AFAP1L2: variants seen among roughly 807,000 people sequenced by gnomAD.
AFAP1L2 encodes actin filament-associated protein 1-like 2.
AFAP1L2 carries 46 observed loss-of-function variants against 99.3 expected under a neutral mutation model. The observed-to-expected ratio is 0.46, with a 90% CI of 0.37 to 0.59. The LOEUF (loss-of-function observed/expected upper bound fraction) is 0.59. AFAP1L2 is among the 20% of genes least tolerant of loss of function. AFAP1L2 has a pLI of 0.00. For synonymous variants in AFAP1L2, 397 were observed against 419.1 expected, an observed-to-expected ratio of 0.95 and a Z score of 0.64; for missense variants, 959 against 1,034.9, an observed-to-expected ratio of 0.93 and a Z score of 1.01.
chr10:114,372,242 C>T (rs561491380), intron 1 of AFAP1L2, among the ~76,000 whole-genome samples: 24 of 152,282 alleles, frequency 1.6e-4, no homozygotes, highest in African/African-American at 5.3e-4. Flanking sequence ...CTGGGGATGC[C>T]CTGGGAGCCC....
chr10:114,400,419 A>G (rs775993101), intron 1 of AFAP1L2, among the ~76,000 whole-genome samples: 9 of 152,106 alleles, frequency 5.9e-5, no homozygotes, highest in Middle Eastern at 3.2e-3. Flanking sequence ...CGCAACTTCA[A>G]AGTCAGGGAG....
chr10:114,318,016 G>T (rs2044420930), intron 5 of AFAP1L2, among the ~76,000 whole-genome samples: 1 of 152,194 alleles, frequency 6.6e-6, no homozygotes, highest in Non-Finnish European at 1.5e-5. Context: ...CTGAAAACTA[G>T]TGTGCAGCTG....
At chr10:114,304,677 C>T in intron 11 of AFAP1L2, 42 bp downstream of exon 11, 1 of 1,525,164 alleles carries the variant, frequency 6.6e-7, no homozygotes, top group South Asian at 1.2e-5. Flanking sequence ...CCACCACCGC[C>T]ACACCCTGGC....
intron 5 of AFAP1L2, 148 bp downstream of exon 5, chr10:114,323,023 G>A (rs2045622392): frequency 2.8e-6 from 2 of 703,700 alleles, no homozygotes; most frequent in Non-Finnish European, 4.7e-6. Flanking sequence ...TTCTCAATTT[G>A]GACCATGCTT....
downstream of AFAP1L2, among the ~76,000 whole-genome samples, chr10:114,293,496 C>T (rs1336660211): frequency 1.3e-5 from 2 of 152,132 alleles, no homozygotes; most frequent in African/African-American, 4.8e-5. Context: ...ATTTTTTCCC[C>T]TTTTGTAGTG....
chr10:114,295,708 T>A lies in AFAP1L2; in HGVS notation c.*334A>T, dbSNP rs541323088. 462 of 1,062,230 alleles carry A rather than the reference T, an allele frequency of 4.3e-4. No homozygotes were observed. Among genetic ancestry groups the A allele is most frequent in the Non-Finnish European group, 4.9e-4 (427 of 878,782 alleles). 65.8% of individuals were successfully genotyped at this position (1,062,230 alleles called of 1,614,324 possible). A position where few individuals can be genotyped will look rare whatever the true frequency, so the allele number is the denominator to read the frequency against. On this transcript the variant is annotated 3_prime_UTR_variant, in exon 19 of 19. Transcript: ENST00000304129. ...TTCCTTGATTCATCTTCCACCAAAG[T>A]CTAAACAGGAGGTTTTCACTATTTA...
At chr10:114,349,239 A>C (rs2050064673) in intron 1 of AFAP1L2, among the ~76,000 whole-genome samples, 1 of 152,004 alleles carries the variant, frequency 6.6e-6, no homozygotes. Context: ...TAAGCTGGGC[A>C]TGATGACACA....
intron 13 of AFAP1L2, 23 bp downstream of exon 13, chr10:114,301,331 C>T (rs957378313): frequency 1.3e-5 from 21 of 1,591,790 alleles, no homozygotes; most frequent in Admixed American, 3.3e-5. Flanking sequence ...GAGGCCCAGG[C>T]CACTGCCTGG....
intron 16 of AFAP1L2, among the ~76,000 whole-genome samples, chr10:114,297,908 G>A (rs1472037865): frequency 3.3e-5 from 5 of 152,210 alleles, no homozygotes; most frequent in African/African-American, 7.2e-5. Flanking sequence ...CCTAGGGCCT[G>A]TATCCTAGAA....
intron 7 of AFAP1L2, among the ~76,000 whole-genome samples, chr10:114,312,686 G>A (rs1435996122): frequency 1.3e-5 from 2 of 152,206 alleles, no homozygotes; most frequent in Non-Finnish European, 2.9e-5. Context: ...AATGCCCAGG[G>A]CTGGCCTTTC....
chr10:114,367,203 G>A (rs988083938), intron 1 of AFAP1L2, among the ~76,000 whole-genome samples: 2 of 152,136 alleles, frequency 1.3e-5, no homozygotes, highest in Non-Finnish European at 2.9e-5. Context: ...TGTAACAGGA[G>A]CCTTCTTGAC....
chr10:114,284,499 A>G, the AFAP1L2 span, among the ~76,000 whole-genome samples: 1 of 152,130 alleles, frequency 6.6e-6, no homozygotes, highest in Non-Finnish European at 1.5e-5. Context: ...CATTAAGACA[A>G]CCCTGTGTAG....
Position 114,302,458 on chromosome 10 carries a change from G to A in AFAP1L2, c.1311C>T (p.His437=), listed in dbSNP as rs369910501. ...ACTCAGAGAGCAGGAGACCCAGCCA[G>A]TGGCCCATTTCCTCGGAAGACTTGG... ...LEAKSSEEMG[H]WLGLLLSESG... is the part of the protein sequence containing the mutation. The change falls in exon 12 of 19, where the codon CAC becomes CAT. Residue 437 remains histidine, a synonymous_variant. Coordinates refer to ENST00000304129, the MANE Select transcript of AFAP1L2 (RefSeq NM_001001936.3). The A allele has an allele frequency of 1.2e-5, 19 of 1,614,054 alleles. No individual in the cohort carries two copies. The highest frequency in any genetic ancestry group is 2.7e-5 in the African/African-American group (2 of 74,944).
intron 1 of AFAP1L2, among the ~76,000 whole-genome samples, chr10:114,369,920 T>A (rs2053871227): frequency 1.3e-5 from 2 of 152,186 alleles, no homozygotes; most frequent in South Asian, 4.1e-4. Flanking sequence ...TATTTTGGGT[T>A]CTACCTGCCC....
At chr10:114,337,752 T>C (rs534095183) in intron 2 of AFAP1L2, among the ~76,000 whole-genome samples, 2 of 152,348 alleles carry the variant, frequency 1.3e-5, no homozygotes, top group South Asian at 2.1e-4. Flanking sequence ...GTCAGACTTA[T>C]CACAAACAGG....
At chr10:114,378,982 C>T (rs571333633) in intron 1 of AFAP1L2, among the ~76,000 whole-genome samples, 4 of 152,086 alleles carry the variant, frequency 2.6e-5, no homozygotes, top group South Asian at 4.1e-4. Context: ...GAGGCCGAGG[C>T]GGGCAGATCG....
chr10:114,303,128 T>C lies in AFAP1L2; in HGVS notation c.1285-644A>G, dbSNP rs376645968. On this transcript the variant is annotated intron_variant, in intron 11 of 18. Coordinates refer to ENST00000304129, the MANE Select transcript of AFAP1L2 (RefSeq NM_001001936.3). ...GGTACCTCAATTAAAATGTCCACAC[T>C]GTTTCTTACCTTTATAATGAGAAAA... is the stretch of plus-strand genomic sequence containing the variant. Among the ~76,000 whole-genome samples the C allele has an allele frequency of 4.3e-4, 66 of 152,314 alleles. 1 individual carries two copies. The South Asian group carries it at 0.014, about 32-fold the overall frequency.
At chr10:114,285,552 G>A in the AFAP1L2 span, among the ~76,000 whole-genome samples, 6 of 152,248 alleles carry the variant, frequency 3.9e-5, no homozygotes, top group African/African-American at 9.6e-5. Flanking sequence ...CCTACCAGAA[G>A]TCAATTCTAG....
chr10:114,304,731 C>T lies in AFAP1L2; in HGVS notation c.1272G>A (p.Leu424=). ...AGGCCGGCGGTACCTCAAGCTTGGC[C>T]AGCTCCTCGCCCTTGTGGAGGATGC... ...SFRILHKGEE[L]AKLEAKSSEE... The change falls in exon 11 of 19, where the codon CTG becomes CTA. Residue 424 remains leucine (L), a synonymous_variant. Coordinates refer to ENST00000304129, the MANE Select transcript of AFAP1L2 (RefSeq NM_001001936.3). 1.2e-6 allele frequency: 2 copies of T among 1,605,724 alleles called. No homozygotes were observed. Among genetic ancestry groups the T allele is most frequent in the Admixed American group, 1.7e-5 (1 of 59,932 alleles).
Sources: allele counts gnomAD v4.1 joint callset (sites outside exome capture counted in the v4.1 genomes callset), GRCh38; gene constraint gnomAD v4.1.1; transcripts MANE v1.5; gene names NCBI Gene and HGNC (gene_info 2026-07-23, HGNC 2026-07-21).